The following TRIM21 variants were observed in gnomAD, a reference collection of about 807,000 sequenced individuals.
TRIM21 encodes the protein E3 ubiquitin-protein ligase TRIM21.
A neutral mutation model predicts 36.1 loss-of-function variants in TRIM21; 35 were observed. The ratio of observed to expected loss-of-function variants is 0.97; its 90% CI spans 0.74 to 1.28. TRIM21 has a LOEUF of 1.28. Among genes scored for constraint, TRIM21 ranks in the 50% most tolerant of loss-of-function variants. TRIM21 has a pLI of 0.00. For synonymous variants in TRIM21, 256 were observed against 211.5 expected, an observed-to-expected ratio of 1.21 and a Z score of -1.83; for missense variants, 635 against 570.7, an observed-to-expected ratio of 1.11 and a Z score of -1.15.
At position 4,385,786 on chromosome 11, in the gene TRIM21, C is replaced by T. The variant is rs746993640; in HGVS notation, c.927G>A (p.Val309=). 39 of 1,613,596 alleles carry T rather than the reference C, an allele frequency of 2.4e-5. No individual in the cohort carries two copies. Among genetic ancestry groups the T allele is most frequent in the Non-Finnish European group, 3.2e-5 (38 of 1,179,776 alleles). ...WLILSEDRRQ[V]RLGDTQQSIP... ...TGCTCTGCTGGGTGTCTCCAAGCCT[C>T]ACTTGTCTCCGATCTTCTGAAAGTA... Residue 309 remains valine, a synonymous_variant, in exon 7 of 7, where the codon GTG becomes GTA. Coordinates refer to ENST00000254436, the MANE Select transcript of TRIM21 (RefSeq NM_003141.4).
At chr11:4,386,094 C>A (rs887756608) in intron 6 of TRIM21, 63 bp downstream of exon 6, 1 of 1,500,000 alleles carries the variant, frequency 6.7e-7, no homozygotes, top group Non-Finnish European at 9.3e-7. Flanking sequence ...GCCATCCAGG[C>A]TCCCTGACCC....
In TRIM21 at chr11:4,390,090, C is replaced by T; in HGVS notation, c.320G>A (p.Gly107Glu). 1 of 1,614,018 alleles carries T rather than the reference C, an allele frequency of 6.2e-7. No homozygotes were observed. The highest frequency in any genetic ancestry group is 8.5e-7 in the Non-Finnish European group (1 of 1,179,892). The change falls in exon 2 of 7, where the codon GGG (glycine) becomes GAG (glutamate). Residue 107 changes from glycine (G) to glutamate (E), a missense_variant. Coordinates refer to ENST00000254436, the MANE Select transcript of TRIM21 (RefSeq NM_003141.4). ...GGCACATACCCAGCAAAGGGCCTTCCCATCTTTCTCACAGAACAGGTGAAG... is the reference window on the plus strand; with the variant it reads ...GGCACATACCCAGCAAAGGGCCTTCTCATCTTTCTCACAGAACAGGTGAAG... Reference protein sequence around the residue: ...ERLHLFCEKDGKALCWVCAQS... With the variant: ...ERLHLFCEKDEKALCWVCAQS...
At chr11:4,389,529 A>T in intron 3 of TRIM21, 125 bp downstream of exon 3, 1 of 805,876 alleles carries the variant, frequency 1.2e-6, no homozygotes, top group South Asian at 1.4e-5. Flanking sequence ...TGGCTTCTGG[A>T]GAGTGAGACG....
At chr11:4,392,880 C>T (rs2094964653) in intron 1 of TRIM21, among the ~76,000 whole-genome samples, 1 of 152,170 alleles carries the variant, frequency 6.6e-6, no homozygotes, top group Admixed American at 6.5e-5. Context: ...CTCCATGTTG[C>T]TGAGAAATTA....
rs751699840 is a variant in TRIM21, at chr11:4,386,161, A to G, written c.855T>C (p.Cys285=). The part of the protein sequence containing the change: ...VPGLKKMLRT[C]AVHITLDPDT... Reference sequence around the variant, plus strand: ...CAAAACTAGAACTTGCCTCACCTGCACATGTCCTCAGCATCTTCTTCAGCC... The same window carrying G: ...CAAAACTAGAACTTGCCTCACCTGCGCATGTCCTCAGCATCTTCTTCAGCC... The change falls in exon 6 of 7, where the codon TGT becomes TGC. Residue 285 remains cysteine, a synonymous_variant. Transcript: ENST00000254436. 1.9e-6 allele frequency: 3 copies of G among 1,612,920 alleles called. No homozygotes were observed. The African/African-American group carries it at 4.0e-5, about 22-fold the overall frequency.
chr11:4,387,242 CA>C (rs960034207), intron 4 of TRIM21, among the ~76,000 whole-genome samples: 3 of 128,600 alleles, frequency 2.3e-5, no homozygotes, highest in Non-Finnish European at 4.9e-5. Flanking sequence ...GACTCTGACT[CA>C]AAGACCAGTT....
At position 4,385,512 on chromosome 11, in the gene TRIM21, G is replaced by T. The variant is rs750871852; in HGVS notation, c.1201C>A (p.Gln401Lys). ...GTYPQTPLHLQVPPCQVGIFL... is the reference protein window; with the variant it reads ...GTYPQTPLHLKVPPCQVGIFL... ...ATCCCAACTTGGCATGGAGGCACCTGAAGGTGGAGGGGAGTCTGGGGGTAG... is the reference window on the plus strand; with the variant it reads ...ATCCCAACTTGGCATGGAGGCACCTTAAGGTGGAGGGGAGTCTGGGGGTAG... Residue 401 changes from glutamine (Q) to lysine (K), a missense_variant, in exon 7 of 7, where the codon CAG becomes AAG. By Grantham distance (53) the Gln-to-Lys change is moderately conservative. Transcript: ENST00000254436. 3 of 1,611,994 alleles carry T rather than the reference G, an allele frequency of 1.9e-6. No homozygotes were observed. Among genetic ancestry groups the T allele is most frequent in the Non-Finnish European group, 2.5e-6 (3 of 1,178,936 alleles).
chr11:4,393,253 C>G (rs997552374), intron 1 of TRIM21, among the ~76,000 whole-genome samples: 1 of 152,194 alleles, frequency 6.6e-6, no homozygotes, highest in African/African-American at 2.4e-5. Context: ...ACCCTCCTGG[C>G]TAGGCTGTAG....
At chr11:4,386,834 G>A in intron 5 of TRIM21, 134 bp downstream of exon 5, 1 of 868,630 alleles carries the variant, frequency 1.2e-6, no homozygotes, top group Non-Finnish European at 1.7e-6. Context: ...ATATTTTATA[G>A]AGAATGAAGT....
Position 4,388,472 on chromosome 11 carries a change from A to C in TRIM21, c.563T>G (p.Phe188Cys). The change falls in exon 4 of 7, where the codon TTC becomes TGC. Residue 188 changes from phenylalanine to cysteine, a missense_variant. Coordinates refer to ENST00000254436, the MANE Select transcript of TRIM21 (RefSeq NM_003141.4). ...CTGCCTCTGTTCTTCTTCAACCAGGAAGTTTTTTTGCTGCACAAACTCTGC... is the reference window on the plus strand; with the variant it reads ...CTGCCTCTGTTCTTCTTCAACCAGGCAGTTTTTTTGCTGCACAAACTCTGC... ...IHAEFVQQKNFLVEEEQRQLQ... is the reference protein window; with the variant it reads ...IHAEFVQQKNCLVEEEQRQLQ... The C allele has an allele frequency of 6.2e-7, 1 of 1,613,270 alleles. No individual in the cohort carries two copies. Among genetic ancestry groups the C allele is most frequent in the East Asian group, 2.2e-5 (1 of 44,862 alleles).
At chr11:4,385,895 T>C (rs781227051) in intron 6 of TRIM21, 42 bp from the exon 7 acceptor site, 2 of 1,531,330 alleles carry the variant, frequency 1.3e-6, no homozygotes, top group Non-Finnish European at 8.8e-7. Flanking sequence ...ATGGGGGGAG[T>C]TCACTAAGTC....
intron 6 of TRIM21, 126 bp downstream of exon 6, chr11:4,386,031 C>A: frequency 9.1e-7 from 1 of 1,093,450 alleles, no homozygotes; most frequent in South Asian, 1.5e-5. Context: ...AACCATCTTC[C>A]TTACCTCCAT....
intron 6 of TRIM21, 113 bp from the exon 7 acceptor site, chr11:4,385,966 C>A (rs1346748386): frequency 1.5e-5 from 18 of 1,186,440 alleles, no homozygotes; most frequent in Non-Finnish European, 2.0e-5. Context: ...GTGAACCTCC[C>A]TGTGTGAGGA....
chr11:4,386,288 T>C lies in TRIM21; in HGVS notation c.759-31A>G, dbSNP rs551403614. The stretch of plus-strand genomic sequence containing the variant: ...GGAAAGAGAGTTTGAGACTCCTGTC[T>C]CCTACTCCTATCCCAAACCCTAACA... On this transcript the variant is annotated intron_variant, in intron 5 of 6. Coordinates refer to ENST00000254436, the MANE Select transcript of TRIM21 (RefSeq NM_003141.4). The C allele has an allele frequency of 8.6e-5, 134 of 1,556,354 alleles. No homozygotes were observed. The South Asian group carries it at 1.4e-3, about 17-fold the overall frequency.
chr11:4,390,140 T>A lies in TRIM21; in HGVS notation c.270A>T (p.Glu90Asp). 6.2e-7 allele frequency: 1 copy of A among 1,614,058 alleles called. No individual in the cohort carries two copies. The highest frequency in any genetic ancestry group is 8.5e-7 in the Non-Finnish European group (1 of 1,179,894). Residue 90 changes from glutamate to aspartate, a missense_variant, in exon 2 of 7, where the codon GAA (glutamate) becomes GAT (aspartate). Physicochemically the swap from Glu to Asp is conservative, Grantham distance 45. Transcript: ENST00000254436. ...SQEAREGTQG[E>D]RCAVHGERLH... is the part of the protein sequence containing the mutation. ...GTCTCTCTCCATGCACTGCACACCG[T>A]TCCCCCTGTGTGCCCTCTCTGGCCT...
In TRIM21 at chr11:4,390,453, G is replaced by T; in HGVS notation, c.-44C>A. ...ACAGCAGTGTGGAGACCTTTAGGGG[G>T]TTTGGCTGGGAGAGAAGAAGAAAGG... is the stretch of plus-strand genomic sequence containing the variant. On this transcript the variant is annotated 5_prime_UTR_variant, in exon 2 of 7. Transcript: ENST00000254436. 1 of 1,535,868 alleles carries T rather than the reference G, an allele frequency of 6.5e-7. No homozygotes were observed. Among genetic ancestry groups the T allele is most frequent in the Non-Finnish European group, 8.8e-7 (1 of 1,137,802 alleles).
intron 4 of TRIM21, 51 bp downstream of exon 4, chr11:4,388,249 T>C (rs1246140986): frequency 2.0e-6 from 3 of 1,503,696 alleles, no homozygotes; most frequent in Non-Finnish European, 1.8e-6. Flanking sequence ...ATAGCTCTGG[T>C]CTTTTTCAGT....
intron 1 of TRIM21, among the ~76,000 whole-genome samples, chr11:4,391,511 G>C (rs889317377): frequency 1.3e-5 from 2 of 152,188 alleles, no homozygotes; most frequent in Non-Finnish European, 2.9e-5. Context: ...ACAGAGAACA[G>C]TTTGGAGGTT....
chr11:4,387,925 G>T (rs2094958293), intron 4 of TRIM21, among the ~76,000 whole-genome samples: 1 of 152,174 alleles, frequency 6.6e-6, no homozygotes, highest in African/African-American at 2.4e-5. Context: ...TAGGTTTTCT[G>T]CACAAACCTG....
Sources: allele counts gnomAD v4.1 joint callset (sites outside exome capture counted in the v4.1 genomes callset), GRCh38; gene constraint gnomAD v4.1.1; transcripts MANE v1.5; gene names NCBI Gene and HGNC (gene_info 2026-07-23, HGNC 2026-07-21).